The following SYN3 variants were observed in gnomAD, a reference collection of about 807,000 sequenced individuals.
SYN3 encodes the protein synapsin-3.
In SYN3, 35 loss-of-function variants were observed where a neutral mutation model predicts 65.8. The observed-to-expected ratio is 0.53, with a 90% CI of 0.41 to 0.70. SYN3 has a LOEUF of 0.70. Among genes scored for constraint, SYN3 ranks in the 30% least tolerant of loss-of-function variants. The pLI is 0.00. For synonymous variants in SYN3, 270 were observed against 292.9 expected, an observed-to-expected ratio of 0.92 and a Z score of 0.80; for missense variants, 680 against 749.0, an observed-to-expected ratio of 0.91 and a Z score of 1.08.
intron 6 of SYN3, among the ~76,000 whole-genome samples, chr22:32,601,333 A>C (rs937190796): frequency 2.0e-5 from 3 of 148,506 alleles, no homozygotes; most frequent in Non-Finnish European, 4.4e-5. Context: ...GCTGGAGTGC[A>C]GTGGTGCGAT....
intron 6 of SYN3, among the ~76,000 whole-genome samples, chr22:32,745,599 CACGGCCCTGGGTTA>C (rs1416396471): frequency 6.6e-6 from 1 of 152,208 alleles, no homozygotes; most frequent in Admixed American, 6.5e-5. Flanking sequence ...GCAGCCACTG[CACGGCCCTGGGTTA>C]GTCACAGCAA....
In SYN3 at chr22:32,644,101, A is replaced by AAAAAAAGAG. The variant is rs368236821; in HGVS notation, c.712-47366_712-47365insCTCTTTTTT. Among the ~76,000 whole-genome samples the AAAAAAAGAG allele has an allele frequency of 8.3e-4, 59 of 71,226 alleles. 18 individuals carry two copies. The highest frequency in any genetic ancestry group is 2.2e-3 in the African/African-American group (40 of 18,348). 46.7% of individuals were successfully genotyped at this position (71,226 alleles called of 152,430 possible). On this transcript the variant is annotated intron_variant, in intron 6 of 13. Transcript: ENST00000358763. The stretch of plus-strand genomic sequence containing the variant: ...AAAAAAAAAAAAAAAAAAAAAAAAA[A>AAAAAAAGAG]AGCGACAAGACTGACTGATGATGGG...
At chr22:32,773,406 C>CAAAA (rs61583056) in intron 6 of SYN3, among the ~76,000 whole-genome samples, 1 of 91,176 alleles carries the variant, frequency 1.1e-5, no homozygotes, top group Non-Finnish European at 2.1e-5. Context: ...GACTCTGTCT[C>CAAAA]AAAAAAAAAA....
At chr22:32,893,276 G>C (rs1017493568) in intron 4 of SYN3, among the ~76,000 whole-genome samples, 1 of 152,158 alleles carries the variant, frequency 6.6e-6, no homozygotes, top group South Asian at 2.1e-4. Context: ...GGATTAATTG[G>C]ATACCTGGCA....
At chr22:32,541,433 C>T (rs570661835) in intron 8 of SYN3, 138 bp downstream of exon 8, 1 of 1,110,042 alleles carries the variant, frequency 9.0e-7, no homozygotes, top group Non-Finnish European at 1.3e-6. Flanking sequence ...CTCAGCCACA[C>T]TGGACAGAGA....
At chr22:32,587,518 C>T (rs143455034) in intron 7 of SYN3, among the ~76,000 whole-genome samples, 33 of 152,244 alleles carry the variant, frequency 2.2e-4, no homozygotes, top group Non-Finnish European at 4.1e-4. Context: ...TTGCGGGGAA[C>T]CTTTTGATTT....
At chr22:32,553,498 G>A (rs1304142212) in intron 7 of SYN3, among the ~76,000 whole-genome samples, 1 of 152,150 alleles carries the variant, frequency 6.6e-6, no homozygotes, top group South Asian at 2.1e-4. Flanking sequence ...AATAATGTAA[G>A]GTGATAGAAA....
At chr22:32,520,834 C>A (rs2057868014) in intron 12 of SYN3, among the ~76,000 whole-genome samples, 2 of 152,166 alleles carry the variant, frequency 1.3e-5, no homozygotes, top group African/African-American at 4.8e-5. Context: ...CTGACTCAAG[C>A]CTTGCCATTA....
At chr22:32,556,657 T>A (rs1460331018) in intron 7 of SYN3, among the ~76,000 whole-genome samples, 6 of 152,090 alleles carry the variant, frequency 3.9e-5, no homozygotes, top group Non-Finnish European at 8.8e-5. Flanking sequence ...AACAGAAGTC[T>A]CTGGTGTTAT....
chr22:32,757,411 C>A lies in SYN3; in HGVS notation c.711+107504G>T, dbSNP rs192612750. 1.8e-3 allele frequency among the ~76,000 whole-genome samples: 270 copies of A among 151,638 alleles called. 1 individual carries two copies. Among genetic ancestry groups the A allele is most frequent in the Admixed American group, 3.6e-3 (55 of 15,208 alleles). ...CTCCTGGGTTCAAGCGATTCTCCTG[C>A]CTCAGCATCCTGAGTGGCTGGGATT... On this transcript the variant is annotated intron_variant, in intron 6 of 13. Transcript: ENST00000358763.
chr22:32,596,578 G>T, intron 7 of SYN3, 96 bp downstream of exon 7: 2 of 1,302,224 alleles, frequency 1.5e-6, no homozygotes, highest in Non-Finnish European at 2.2e-6. Context: ...GGGTGCCTGT[G>T]CTAAGGGGTT....
intron 9 of SYN3, among the ~76,000 whole-genome samples, chr22:32,536,928 C>T (rs1350836147): frequency 3.3e-5 from 5 of 152,144 alleles, no homozygotes; most frequent in Admixed American, 6.5e-5. Context: ...CCCTTGCAAC[C>T]GATACAGAGT....
At chr22:33,006,912 G>A (rs2053214410) in intron 1 of SYN3, 88 bp from the exon 2 acceptor site, 2 of 364,148 alleles carry the variant, frequency 5.5e-6, no homozygotes, top group Admixed American at 4.3e-5. Flanking sequence ...CCCCACTGCA[G>A]GTGGTAATGT....
intron 4 of SYN3, among the ~76,000 whole-genome samples, chr22:32,923,645 T>C (rs1387736229): frequency 6.6e-6 from 1 of 152,254 alleles, no homozygotes; most frequent in Non-Finnish European, 1.5e-5. Flanking sequence ...GGACTTGTTA[T>C]GGCCCTATAT....
At chr22:32,892,123 T>A (rs2049465431) in intron 4 of SYN3, among the ~76,000 whole-genome samples, 1 of 151,740 alleles carries the variant, frequency 6.6e-6, no homozygotes, top group Admixed American at 6.6e-5. Context: ...TGAAACCCCA[T>A]CTCTAATAAA....
At chr22:32,986,043 T>C (rs895440968) in intron 2 of SYN3, among the ~76,000 whole-genome samples, 4 of 152,006 alleles carry the variant, frequency 2.6e-5, no homozygotes, top group Admixed American at 6.6e-5. Flanking sequence ...CCCAAACATA[T>C]AGTCTGTGAG....
rs1555931894 is a variant in SYN3, at chr22:32,710,645, A to AAAAAAAAAAAAAAAAAAAAG, written c.712-113910_712-113909insCTTTTTTTTTTTTTTTTTTT. ...GAGACTCTGTCTCAAAAAAAAAAAA[A>AAAAAAAAAAAAAAAAAAAAG]AAAGAAAGAAAGAAAAAGAAAGAAA... On this transcript the variant is annotated intron_variant, in intron 6 of 13. Transcript: ENST00000358763. Among the ~76,000 whole-genome samples, 315 of 126,850 alleles carry AAAAAAAAAAAAAAAAAAAAG rather than the reference A, an allele frequency of 2.5e-3. 22 individuals carry two copies. The East Asian group carries it at 0.047, about 19-fold the overall frequency. 83.2% of individuals were successfully genotyped at this position (126,850 alleles called of 152,430 possible). A position where few individuals can be genotyped will look rare whatever the true frequency, so the allele number is the denominator to read the frequency against.
intron 1 of SYN3, among the ~76,000 whole-genome samples, chr22:33,035,131 G>A (rs539432753): frequency 1.3e-5 from 2 of 152,212 alleles, no homozygotes; most frequent in South Asian, 4.1e-4. Flanking sequence ...TGTCACTAAA[G>A]GAAGCTGGGC....
intron 6 of SYN3, among the ~76,000 whole-genome samples, chr22:32,620,493 C>A (rs2059579131): frequency 6.6e-6 from 1 of 152,072 alleles, no homozygotes; most frequent in African/African-American, 2.4e-5. Flanking sequence ...GGCCAACCAA[C>A]CAGCAGCCTC....
Sources: allele counts gnomAD v4.1 joint callset (sites outside exome capture counted in the v4.1 genomes callset), GRCh38; gene constraint gnomAD v4.1.1; transcripts MANE v1.5; gene names NCBI Gene and HGNC (gene_info 2026-07-23, HGNC 2026-07-21).